The following FREM3 variants were observed in gnomAD, a reference collection of about 807,000 sequenced individuals.
The protein encoded by FREM3 is FRAS1-related extracellular matrix protein 3.
In FREM3, 105 loss-of-function variants were observed where a neutral mutation model predicts 129.1. The ratio of observed to expected loss-of-function variants is 0.81; its 90% CI spans 0.69 to 0.96. The LOEUF (loss-of-function observed/expected upper bound fraction) is 0.96, where lower values mean the gene tolerates loss of function less well. FREM3 is among the 40% of genes least tolerant of loss of function. The pLI is 0.00. For synonymous variants in FREM3, 1,014 were observed against 1,044.9 expected, an observed-to-expected ratio of 0.97 and a Z score of 0.57; for missense variants, 2,593 against 2,666.3, an observed-to-expected ratio of 0.97 and a Z score of 0.61.
chr4:143,628,824 A>G (rs938186213), intron 2 of FREM3, among the ~76,000 whole-genome samples: 3 of 152,126 alleles, frequency 2.0e-5, no homozygotes, highest in African/African-American at 7.2e-5. Context: ...ATCTCCTTCT[A>G]TAGTTGGAGT....
intron 6 of FREM3, among the ~76,000 whole-genome samples, chr4:143,593,454 GTC>G (rs1224580257): frequency 6.6e-6 from 1 of 152,174 alleles, no homozygotes; most frequent in Admixed American, 6.5e-5. Flanking sequence ...CCTTCTAACA[GTC>G]AGGACCCTCA....
chr4:143,665,556 C>T (rs1201687140), intron 2 of FREM3, among the ~76,000 whole-genome samples: 6 of 152,074 alleles, frequency 3.9e-5, no homozygotes, highest in Admixed American at 6.6e-5. Flanking sequence ...TGTTTCTTTA[C>T]ATATTGAGGA....
In FREM3 at chr4:143,697,795, C is replaced by G; in HGVS notation, c.2881G>C (p.Glu961Gln). ...ATGGTAATTTCAGTGGCTTTATTCT[C>G]TAGTACGTCTATAGAAACATCCAAT... ...SLLDVSIDVLENKATEITMGV... is the reference protein window; with the variant it reads ...SLLDVSIDVLQNKATEITMGV... Residue 961 changes from glutamate (E) to glutamine (Q), a missense_variant, in exon 1 of 8, where the codon GAG becomes CAG. By Grantham distance (29) the Glu-to-Gln change is conservative. Transcript: ENST00000329798. 1 of 1,537,530 alleles carries G rather than the reference C, an allele frequency of 6.5e-7. No homozygotes were observed. The highest frequency in any genetic ancestry group is 8.7e-7 in the Non-Finnish European group (1 of 1,146,950).
At chr4:143,595,754 G>C (rs1400481925) in intron 6 of FREM3, among the ~76,000 whole-genome samples, 1 of 152,098 alleles carries the variant, frequency 6.6e-6, no homozygotes, top group Non-Finnish European at 1.5e-5. Flanking sequence ...CAGGTGTGGT[G>C]GCAGGCTCCT....
At chr4:143,603,803 C>T (rs553780235) in intron 6 of FREM3, among the ~76,000 whole-genome samples, 3 of 152,158 alleles carry the variant, frequency 2.0e-5, no homozygotes, top group East Asian at 1.9e-4. Flanking sequence ...TAACTCATGC[C>T]GAGCAGCCAT....
At chr4:143,675,550 C>A (rs1250322337) in intron 2 of FREM3, among the ~76,000 whole-genome samples, 6 of 152,094 alleles carry the variant, frequency 3.9e-5, no homozygotes, top group African/African-American at 1.4e-4. Context: ...CAGAGCAGAA[C>A]TGAGGGAGAT....
chr4:143,644,569 G>C (rs1282366692), intron 2 of FREM3, among the ~76,000 whole-genome samples: 1 of 152,016 alleles, frequency 6.6e-6, no homozygotes, highest in Non-Finnish European at 1.5e-5. Context: ...CATGATCTCT[G>C]AGGTTGTTTC....
chr4:143,578,936 T>TTA (rs1738086623), intron 7 of FREM3, among the ~76,000 whole-genome samples: 1 of 152,160 alleles, frequency 6.6e-6, no homozygotes, highest in Non-Finnish European at 1.5e-5. Flanking sequence ...CTGAGTAGAT[T>TTA]ATGCAAGTGT....
intron 2 of FREM3, among the ~76,000 whole-genome samples, chr4:143,664,434 G>A (rs962069666): frequency 3.3e-5 from 5 of 152,114 alleles, no homozygotes; most frequent in African/African-American, 1.2e-4. Context: ...CTGTCTGATC[G>A]TTCCTCTGGA....
At chr4:143,683,629 T>C (rs1053539648) in intron 2 of FREM3, among the ~76,000 whole-genome samples, 1 of 152,098 alleles carries the variant, frequency 6.6e-6, no homozygotes, top group Non-Finnish European at 1.5e-5. Context: ...TAGGTGAACT[T>C]TGTAACAATT....
In FREM3 at chr4:143,652,453, C is replaced by T. The variant is rs1739529687; in HGVS notation, c.5276-24693G>A. 5.0e-5 allele frequency among the ~76,000 whole-genome samples: 2 copies of T among 39,692 alleles called. 1 individual carries two copies. The highest frequency in any genetic ancestry group is 1.1e-4 in the African/African-American group (2 of 18,056). 26.0% of individuals were successfully genotyped at this position (39,692 alleles called of 152,430 possible). On this transcript the variant is annotated intron_variant, in intron 2 of 7. Coordinates refer to ENST00000329798, the MANE Select transcript of FREM3 (RefSeq NM_001168235.2). The stretch of plus-strand genomic sequence containing the variant: ...CTGGGATTACAGGCGTGAGCCACCG[C>T]GCCCGGCCCTTTTTCCTTTCTTAAA...
intron 2 of FREM3, among the ~76,000 whole-genome samples, chr4:143,650,102 T>C (rs72940237): frequency 6.6e-6 from 1 of 152,338 alleles, no homozygotes; most frequent in Admixed American, 6.5e-5. Flanking sequence ...CACCAGTTCA[T>C]ACATCTGATG....
intron 1 of FREM3, among the ~76,000 whole-genome samples, 154 bp from the exon 2 acceptor site, chr4:143,693,356 T>C (rs997044022): frequency 1.3e-5 from 2 of 152,184 alleles, no homozygotes; most frequent in African/African-American, 4.8e-5. Context: ...AAAGCTACAA[T>C]GTCAAAAACA....
intron 2 of FREM3, among the ~76,000 whole-genome samples, chr4:143,680,401 G>C (rs1355994025): frequency 6.6e-6 from 1 of 151,748 alleles, no homozygotes; most frequent in Admixed American, 6.6e-5. Flanking sequence ...ACAAATATGG[G>C]TTTATTATTG....
chr4:143,671,449 G>A (rs187524156), intron 2 of FREM3, among the ~76,000 whole-genome samples: 44 of 152,234 alleles, frequency 2.9e-4, no homozygotes, highest in African/African-American at 9.6e-4. Context: ...TATGGGAGAT[G>A]TAATTACAGC....
In FREM3 at chr4:143,585,985, G is replaced by A; in HGVS notation, c.6037C>T (p.Leu2013=). 3 of 1,537,660 alleles carry A rather than the reference G, an allele frequency of 2.0e-6. No individual in the cohort carries two copies. The highest frequency in any genetic ancestry group is 2.6e-6 in the Non-Finnish European group (3 of 1,147,006). Residue 2013 remains leucine (L), a synonymous_variant, in exon 7 of 8, where the codon CTG becomes TTG. Coordinates refer to ENST00000329798, the MANE Select transcript of FREM3 (RefSeq NM_001168235.2). The surrounding 1 kb of genome is among the most constrained non-coding windows in gnomAD (Gnocchi z 4.2). ...ILADRYDEPV[L]HFGDAEYHVN... ...TGATATTCAGCATCCCCAAAGTGCAGGACAGGTTCTAAAGAGGCAAAAAAA... is the reference window on the plus strand; with the variant it reads ...TGATATTCAGCATCCCCAAAGTGCAAGACAGGTTCTAAAGAGGCAAAAAAA...
At chr4:143,628,339 T>C (rs1339738155) in intron 2 of FREM3, among the ~76,000 whole-genome samples, 1 of 152,150 alleles carries the variant, frequency 6.6e-6, no homozygotes, top group Non-Finnish European at 1.5e-5. Context: ...CTCTATCTTA[T>C]TTCCTCTTGT....
At chr4:143,601,427 C>A (rs1314403011) in intron 6 of FREM3, among the ~76,000 whole-genome samples, 1 of 152,110 alleles carries the variant, frequency 6.6e-6, no homozygotes, top group Non-Finnish European at 1.5e-5. Flanking sequence ...AAATATATAA[C>A]CCTCTGTGAA....
intron 6 of FREM3, among the ~76,000 whole-genome samples, chr4:143,595,645 T>C (rs1248856934): frequency 6.6e-6 from 1 of 152,216 alleles, no homozygotes; most frequent in East Asian, 1.9e-4. Context: ...CCCAGCACTT[T>C]GGGAGGCCAA....
Sources: allele counts gnomAD v4.1 joint callset (sites outside exome capture counted in the v4.1 genomes callset), GRCh38; gene constraint gnomAD v4.1.1; non-coding constraint Gnocchi (gnomAD v3.1); transcripts MANE v1.5; gene names NCBI Gene and HGNC (gene_info 2026-07-23, HGNC 2026-07-21).